Variants in ATXN7L3B observed in about 807,000 individuals in gnomAD.
ATXN7L3B encodes the protein ataxin-7-like protein 3B.
A neutral mutation model predicts 6.3 loss-of-function variants in ATXN7L3B; 4 were observed. The observed-to-expected ratio is 0.63, with a 90% CI of 0.31 to 1.45. ATXN7L3B has a LOEUF of 1.45. ATXN7L3B is among the 40% of genes most tolerant of loss of function. The pLI is 0.07. For missense variants in ATXN7L3B, 120 were observed against 118.5 expected (o/e 1.01, Z -0.06); for synonymous variants, 63 against 48.0 (o/e 1.31, Z -1.29).
chr12:74,537,849 G>A lies in ATXN7L3B; in HGVS notation c.-264G>A, dbSNP rs541609461. 1.7e-5 allele frequency: 8 copies of A among 458,122 alleles called. No individual in the cohort carries two copies. The highest frequency in any genetic ancestry group is 3.9e-5 in the African/African-American group (2 of 50,964). 28.4% of individuals were successfully genotyped at this position (458,122 alleles called of 1,614,324 possible). On this transcript the variant is annotated 5_prime_UTR_variant, in exon 1 of 1. Transcript: ENST00000519948. ...GGAAGAGGCCCAGGAGGCTGGGTGA[G>A]GCGCTGAGACGGTTTGGCGGTGAGT...
In ATXN7L3B at chr12:74,542,354, A is replaced by G. The variant is rs933147844; in HGVS notation, c.*3948A>G. The G allele has an allele frequency of 1.3e-5, 2 of 152,198 alleles. No homozygotes were observed. The highest frequency in any genetic ancestry group is 4.8e-5 in the African/African-American group (2 of 41,464). The allele number at this position is 152,198 out of a possible 1,614,324, so 9.4% of individuals were successfully genotyped here. A position where few individuals can be genotyped will look rare whatever the true frequency, so the allele number is the denominator to read the frequency against. ...TAAGATTTCTACTACTTTTATTAAA[A>G]TTCACTGTAGGGATCTACTATCAAT... On this transcript the variant is annotated 3_prime_UTR_variant, in exon 1 of 1. Coordinates refer to ENST00000519948, the MANE Select transcript of ATXN7L3B (RefSeq NM_001136262.2).
Position 74,538,323 on chromosome 12 carries a change from C to G in ATXN7L3B, c.211C>G (p.Arg71Gly). The G allele has an allele frequency of 6.4e-7, 1 of 1,553,246 alleles. No homozygotes were observed. ...GCCAGTGGAAGACAAAGGAGCGTGC[C>G]GCCTCCCGCTTTGCTCCCTTCCCGG... Reference protein sequence around the residue: ...IQPVEDKGACRLPLCSLPGEP... With the variant: ...IQPVEDKGACGLPLCSLPGEP... Residue 71 changes from arginine to glycine, a missense_variant, in exon 1 of 1, where the codon CGC becomes GGC. Transcript: ENST00000519948.
chr12:74,537,955 G>T lies in ATXN7L3B; in HGVS notation c.-158G>T, dbSNP rs777975360. Reference sequence around the variant, plus strand: ...AAGGACTTGGGATTCCGGAGCAGTCGCCCCTATCGCTGCTCCTGCAGTTGC... The same window carrying T: ...AAGGACTTGGGATTCCGGAGCAGTCTCCCCTATCGCTGCTCCTGCAGTTGC... On this transcript the variant is annotated 5_prime_UTR_variant, in exon 1 of 1. Transcript: ENST00000519948. 8.0e-4 allele frequency: 508 copies of T among 638,690 alleles called. 1 individual carries two copies. Among genetic ancestry groups the T allele is most frequent in the Non-Finnish European group, 1.2e-3 (425 of 369,446 alleles). The allele number at this position is 638,690 out of a possible 1,614,324, so 39.6% of individuals were successfully genotyped here. A position where few individuals can be genotyped will look rare whatever the true frequency, so the allele number is the denominator to read the frequency against.
Position 74,543,549 on chromosome 12 carries a change from C to T in ATXN7L3B, c.*5143C>T, listed in dbSNP as rs572724665. The T allele has an allele frequency of 6.6e-6, 1 of 151,726 alleles. No homozygotes were observed. The highest frequency in any genetic ancestry group is 1.5e-5 in the Non-Finnish European group (1 of 67,856). The allele number at this position is 151,726 out of a possible 1,614,324, so 9.4% of individuals were successfully genotyped here. A position where few individuals can be genotyped will look rare whatever the true frequency, so the allele number is the denominator to read the frequency against. On this transcript the variant is annotated 3_prime_UTR_variant, in exon 1 of 1. Coordinates refer to ENST00000519948, the MANE Select transcript of ATXN7L3B (RefSeq NM_001136262.2). ...CACAATTAGAATTTTATAGAGAATA[C>T]AGTAAATGAAACAACAACAACAAAA... is the stretch of plus-strand genomic sequence containing the variant.
rs916647180 is a variant in ATXN7L3B at position 74,543,203 on chromosome 12, T to G, written c.*4797T>G. Reference sequence around the variant, plus strand: ...CTAAAAAGGAAATACTAAATTGATTTTAGAGATGAAAAAAAAATCTTCAGC... The same window carrying G: ...CTAAAAAGGAAATACTAAATTGATTGTAGAGATGAAAAAAAAATCTTCAGC... On this transcript the variant is annotated 3_prime_UTR_variant, in exon 1 of 1. Coordinates refer to ENST00000519948, the MANE Select transcript of ATXN7L3B (RefSeq NM_001136262.2). 1 of 152,094 alleles carries G rather than the reference T, an allele frequency of 6.6e-6. No homozygotes were observed. Among genetic ancestry groups the G allele is most frequent in the Non-Finnish European group, 1.5e-5 (1 of 67,966 alleles). The allele number at this position is 152,094 out of a possible 1,614,324, so 9.4% of individuals were successfully genotyped here. A position where few individuals can be genotyped will look rare whatever the true frequency, so the allele number is the denominator to read the frequency against.
Position 74,543,590 on chromosome 12 carries a change from C to G in ATXN7L3B, c.*5184C>G, listed in dbSNP as rs1481008115. 6.6e-6 allele frequency: 1 copy of G among 151,494 alleles called. No homozygotes were observed. Among genetic ancestry groups the G allele is most frequent in the Non-Finnish European group, 1.5e-5 (1 of 67,828 alleles). The allele number at this position is 151,494 out of a possible 1,614,324, so 9.4% of individuals were successfully genotyped here. A position where few individuals can be genotyped will look rare whatever the true frequency, so the allele number is the denominator to read the frequency against. On this transcript the variant is annotated 3_prime_UTR_variant, in exon 1 of 1. Coordinates refer to ENST00000519948, the MANE Select transcript of ATXN7L3B (RefSeq NM_001136262.2). ...AACAACAAAAACAGGCAAAATAATACCAAAATAGATTTTTTTTTTAAATGA... is the reference window on the plus strand; with the variant it reads ...AACAACAAAAACAGGCAAAATAATAGCAAAATAGATTTTTTTTTTAAATGA...
rs944902187 is a variant in ATXN7L3B at position 74,540,568 on chromosome 12, A to T, written c.*2162A>T. 3 of 163,086 alleles carry T rather than the reference A, an allele frequency of 1.8e-5. No homozygotes were observed. In the Admixed American group the frequency reaches 2.0e-4, roughly 11 times the overall value. 10.1% of individuals were successfully genotyped at this position (163,086 alleles called of 1,614,324 possible). A position where few individuals can be genotyped will look rare whatever the true frequency, so the allele number is the denominator to read the frequency against. ...GCCTAGTTACAGATTAGTCTTAAAG[A>T]ATTGCATTAACTTAAAAAAAATCAA... On this transcript the variant is annotated 3_prime_UTR_variant, in exon 1 of 1. Coordinates refer to ENST00000519948, the MANE Select transcript of ATXN7L3B (RefSeq NM_001136262.2).
Position 74,544,349 on chromosome 12 carries a change from T to A in ATXN7L3B, c.*5943T>A, listed in dbSNP as rs1346124313. On this transcript the variant is annotated 3_prime_UTR_variant, in exon 1 of 1. Coordinates refer to ENST00000519948, the MANE Select transcript of ATXN7L3B (RefSeq NM_001136262.2). ...GAATCGGAAGCAATCTGTATTACAA[T>A]CCAAATAGATGTGCTCATGGAACTT... 1 of 151,964 alleles carries A rather than the reference T, an allele frequency of 6.6e-6. No homozygotes were observed. Among genetic ancestry groups the A allele is most frequent in the African/African-American group, 2.4e-5 (1 of 41,438 alleles). The allele number at this position is 151,964 out of a possible 1,614,324, so 9.4% of individuals were successfully genotyped here. A position where few individuals can be genotyped will look rare whatever the true frequency, so the allele number is the denominator to read the frequency against.
Position 74,540,948 on chromosome 12 carries a change from C to T in ATXN7L3B, c.*2542C>T, listed in dbSNP as rs1406058057. On this transcript the variant is annotated 3_prime_UTR_variant, in exon 1 of 1. Coordinates refer to ENST00000519948, the MANE Select transcript of ATXN7L3B (RefSeq NM_001136262.2). ...CTGCCCTGGATGGGTATAAGGTGGG[C>T]TTGGTCCAACAGGTGCCCAGAGGGT... 2 of 167,046 alleles carry T rather than the reference C, an allele frequency of 1.2e-5. No homozygotes were observed. Among genetic ancestry groups the T allele is most frequent in the East Asian group, 3.9e-4 (2 of 5,180 alleles). 10.3% of individuals were successfully genotyped at this position (167,046 alleles called of 1,614,324 possible). A position where few individuals can be genotyped will look rare whatever the true frequency, so the allele number is the denominator to read the frequency against.
chr12:74,538,604 G>A lies in ATXN7L3B; in HGVS notation c.*198G>A, dbSNP rs1483201783. 3.3e-6 allele frequency: 2 copies of A among 611,566 alleles called. No individual in the cohort carries two copies. The highest frequency in any genetic ancestry group is 5.8e-6 in the Non-Finnish European group (2 of 343,648). The allele number at this position is 611,566 out of a possible 1,614,324, so 37.9% of individuals were successfully genotyped here. A position where few individuals can be genotyped will look rare whatever the true frequency, so the allele number is the denominator to read the frequency against. On this transcript the variant is annotated 3_prime_UTR_variant, in exon 1 of 1. Coordinates refer to ENST00000519948, the MANE Select transcript of ATXN7L3B (RefSeq NM_001136262.2). ...AAGTGTATTACCTGGAGCAAGCTCT[G>A]AAGCCCTGGGCAGGAGGAGCTGCAC...
At position 74,538,751 on chromosome 12, in the gene ATXN7L3B, T is replaced by C. The variant is rs953490693; in HGVS notation, c.*345T>C. The C allele has an allele frequency of 1.9e-5, 5 of 258,592 alleles. No homozygotes were observed. In the Admixed American group the frequency reaches 2.5e-4, roughly 13 times the overall value. 16.0% of individuals were successfully genotyped at this position (258,592 alleles called of 1,614,324 possible). A position where few individuals can be genotyped will look rare whatever the true frequency, so the allele number is the denominator to read the frequency against. On this transcript the variant is annotated 3_prime_UTR_variant, in exon 1 of 1. Transcript: ENST00000519948. ...CCCAGCATATAAAATTTTTGGTTCC[T>C]CAGCCTTTCTGTCTGCCTGATGTCA...
Position 74,542,665 on chromosome 12 carries a change from T to TA in ATXN7L3B, c.*4262dup, listed in dbSNP as rs1323731404. ...ATGTACCATCAGGTCAAGAATCTGA[T>TA]AAATGATTGCTTGATGTTGACAAAG... On this transcript the variant is annotated 3_prime_UTR_variant, in exon 1 of 1. Coordinates refer to ENST00000519948, the MANE Select transcript of ATXN7L3B (RefSeq NM_001136262.2). The TA allele has an allele frequency of 6.6e-6, 1 of 152,092 alleles. No individual in the cohort carries two copies. Among genetic ancestry groups the TA allele is most frequent in the Non-Finnish European group, 1.5e-5 (1 of 67,978 alleles). 9.4% of individuals were successfully genotyped at this position (152,092 alleles called of 1,614,324 possible).
rs1868786247 is a variant in ATXN7L3B, at chr12:74,538,570, C to CT, written c.*171dup. The stretch of plus-strand genomic sequence containing the variant: ...ACCCAAAGTGGATAATTTAGGAATC[C>CT]TTTTTTTAAAGTGTATTACCTGGAG... On this transcript the variant is annotated 3_prime_UTR_variant, in exon 1 of 1. Transcript: ENST00000519948. 1 of 718,560 alleles carries CT rather than the reference C, an allele frequency of 1.4e-6. No individual in the cohort carries two copies. Among genetic ancestry groups the CT allele is most frequent in the African/African-American group, 1.8e-5 (1 of 55,990 alleles). 44.5% of individuals were successfully genotyped at this position (718,560 alleles called of 1,614,324 possible).
In ATXN7L3B at chr12:74,541,981, AACT is replaced by A. The variant is rs1334390683; in HGVS notation, c.*3579_*3581del. The A allele has an allele frequency of 4.6e-5, 7 of 152,174 alleles. No homozygotes were observed. Among genetic ancestry groups the A allele is most frequent in the African/African-American group, 1.7e-4 (7 of 41,446 alleles). The allele number at this position is 152,174 out of a possible 1,614,324, so 9.4% of individuals were successfully genotyped here. Reference sequence around the variant, plus strand: ...CCAGAGTTTGAGCACTTCCCCTAGAAACTACTTAGTGATCCTGTGTCCTAATCA... The same window carrying A: ...CCAGAGTTTGAGCACTTCCCCTAGAAACTTAGTGATCCTGTGTCCTAATCA... On this transcript the variant is annotated 3_prime_UTR_variant, in exon 1 of 1. Coordinates refer to ENST00000519948, the MANE Select transcript of ATXN7L3B (RefSeq NM_001136262.2).
rs749505217 is a variant in ATXN7L3B, at chr12:74,543,509, A to C, written c.*5103A>C. On this transcript the variant is annotated 3_prime_UTR_variant, in exon 1 of 1. Transcript: ENST00000519948. ...TTTTAAGTAAATGAATACATCTATA[A>C]CTTTTAAAACACCACACAATTAGAA... 7 of 152,108 alleles carry C rather than the reference A, an allele frequency of 4.6e-5. No homozygotes were observed. Among genetic ancestry groups the C allele is most frequent in the Non-Finnish European group, 8.8e-5 (6 of 67,938 alleles). The allele number at this position is 152,108 out of a possible 1,614,324, so 9.4% of individuals were successfully genotyped here.
rs1181055428 is a variant in ATXN7L3B at position 74,544,180 on chromosome 12, G to C, written c.*5774G>C. 6.6e-6 allele frequency: 1 copy of C among 151,972 alleles called. No individual in the cohort carries two copies. The highest frequency in any genetic ancestry group is 2.4e-5 in the African/African-American group (1 of 41,436). The allele number at this position is 151,972 out of a possible 1,614,324, so 9.4% of individuals were successfully genotyped here. A position where few individuals can be genotyped will look rare whatever the true frequency, so the allele number is the denominator to read the frequency against. ...GAATGTAATTCAACAAGTTATAACA[G>C]TCCTATGAAATAATATCACAAGAAC... On this transcript the variant is annotated 3_prime_UTR_variant, in exon 1 of 1. Transcript: ENST00000519948.
In ATXN7L3B at chr12:74,538,458, G is replaced by C. The variant is rs771034379; in HGVS notation, c.*52G>C. On this transcript the variant is annotated 3_prime_UTR_variant, in exon 1 of 1. Transcript: ENST00000519948. ...CAGGACAATAACATAGACTGGTCCT[G>C]TGGCTTCGAGGAGTAAGCTAAGTAG... The C allele has an allele frequency of 1.4e-6, 2 of 1,468,870 alleles. No homozygotes were observed. Among genetic ancestry groups the C allele is most frequent in the African/African-American group, 1.4e-5 (1 of 70,772 alleles). The allele number at this position is 1,468,870 out of a possible 1,614,324, so 91.0% of individuals were successfully genotyped here.
In ATXN7L3B at chr12:74,539,626, G is replaced by C. The variant is rs1334591035; in HGVS notation, c.*1220G>C. ...CACTTTCTGTCTGCCGCTCGAAAGGGATAGTCCTTTCCACTCGGTCCCCTT... is the reference window on the plus strand; with the variant it reads ...CACTTTCTGTCTGCCGCTCGAAAGGCATAGTCCTTTCCACTCGGTCCCCTT... On this transcript the variant is annotated 3_prime_UTR_variant, in exon 1 of 1. Transcript: ENST00000519948. 1 of 167,132 alleles carries C rather than the reference G, an allele frequency of 6.0e-6. No homozygotes were observed. The highest frequency in any genetic ancestry group is 2.4e-5 in the African/African-American group (1 of 41,452). 10.4% of individuals were successfully genotyped at this position (167,132 alleles called of 1,614,324 possible).
At position 74,544,618 on chromosome 12, in the gene ATXN7L3B, C is replaced by A. The variant is rs1868978694; in HGVS notation, c.*6212C>A. On this transcript the variant is annotated 3_prime_UTR_variant, in exon 1 of 1. Coordinates refer to ENST00000519948, the MANE Select transcript of ATXN7L3B (RefSeq NM_001136262.2). ...TAAATAATAAAACTGTGCTCAGACA[C>A]AAAATTAATTCCTATATGGATTAAA... is the stretch of plus-strand genomic sequence containing the variant. 1 of 151,844 alleles carries A rather than the reference C, an allele frequency of 6.6e-6. No individual in the cohort carries two copies. The highest frequency in any genetic ancestry group is 1.5e-5 in the Non-Finnish European group (1 of 67,834). The allele number at this position is 151,844 out of a possible 1,614,324, so 9.4% of individuals were successfully genotyped here.
Sources: gnomAD v4.1 joint callset for allele counts on GRCh38, gnomAD v4.1.1 for gene constraint, MANE v1.5 for transcripts, NCBI Gene and HGNC (gene_info 2026-07-23, HGNC 2026-07-21) for gene names.